The following GRM7 variants were observed in gnomAD, a reference collection of about 807,000 sequenced individuals.
GRM7 encodes the protein glutamate metabotropic receptor 7, also known as metabotropic glutamate receptor 7.
A neutral mutation model predicts 84.5 loss-of-function variants in GRM7; 35 were observed. The ratio of observed to expected loss-of-function variants is 0.41; its 90% CI spans 0.32 to 0.55. The LOEUF is 0.55. Ranked by LOEUF, GRM7 falls within the 20% of genes least tolerant of loss-of-function variation. GRM7 has a pLI of 0.19. For synonymous variants in GRM7, 487 were observed against 455.1 expected (o/e 1.07, Z -0.89); for missense variants, 1,003 against 1,194.6 (o/e 0.84, Z 2.36).
chr3:7,581,023 C>G lies in GRM7; in HGVS notation c.2451+1666C>G, dbSNP rs565014733. 2.0e-5 allele frequency among the ~76,000 whole-genome samples: 3 copies of G among 152,208 alleles called. No individual in the cohort carries two copies. In the South Asian group the frequency reaches 6.2e-4, roughly 32 times the overall value. On this transcript the variant is annotated intron_variant, in intron 8 of 9. Coordinates refer to ENST00000357716, the MANE Select transcript of GRM7 (RefSeq NM_000844.4). ...TAAAACAACTCAATACCTCATGCAA[C>G]AGGTTGAAGACATTAAAACCTTTCC...
At chr3:7,423,494 C>T (rs992833589) in intron 5 of GRM7, among the ~76,000 whole-genome samples, 3 of 152,076 alleles carry the variant, frequency 2.0e-5, no homozygotes, top group Non-Finnish European at 4.4e-5. Context: ...CCCTTATAAG[C>T]AATAGAAGTA....
At chr3:7,642,230 G>A (rs908486476) in intron 8 of GRM7, among the ~76,000 whole-genome samples, 2 of 152,008 alleles carry the variant, frequency 1.3e-5, no homozygotes, top group Non-Finnish European at 2.9e-5. Context: ...AACATACCTT[G>A]TCCTGGGACT....
At chr3:7,732,658 G>A (rs1353667971) in intron 9 of GRM7, among the ~76,000 whole-genome samples, 3 of 152,238 alleles carry the variant, frequency 2.0e-5, no homozygotes, top group Admixed American at 1.3e-4. Flanking sequence ...GGCTTTTTAT[G>A]AGAACGTTCA....
chr3:7,633,122 G>A (rs1240966067), intron 8 of GRM7, among the ~76,000 whole-genome samples: 3 of 152,252 alleles, frequency 2.0e-5, no homozygotes, highest in Non-Finnish European at 4.4e-5. Context: ...GGGCCAGTGC[G>A]AGAGTAGAGG....
intron 2 of GRM7, among the ~76,000 whole-genome samples, chr3:7,183,544 T>C (rs1695415698): frequency 6.6e-6 from 1 of 152,112 alleles, no homozygotes; most frequent in African/African-American, 2.4e-5. Context: ...GGAGACTTGC[T>C]TGAACCCGGG....
chr3:7,059,790 G>A (rs1010442157), intron 1 of GRM7, among the ~76,000 whole-genome samples: 3 of 151,732 alleles, frequency 2.0e-5, no homozygotes, highest in African/African-American at 7.3e-5. Flanking sequence ...CTTCTGCCAT[G>A]TGAGAACTCA....
At chr3:7,038,035 G>T (rs1296905132) in intron 1 of GRM7, among the ~76,000 whole-genome samples, 1 of 152,114 alleles carries the variant, frequency 6.6e-6, no homozygotes, top group Admixed American at 6.6e-5. Flanking sequence ...CATCATTTCA[G>T]TCAATAAAAA....
At chr3:6,952,323 G>A (rs1225992482) in intron 1 of GRM7, among the ~76,000 whole-genome samples, 1 of 151,974 alleles carries the variant, frequency 6.6e-6, no homozygotes, top group African/African-American at 2.4e-5. Flanking sequence ...CAGGGCCTGT[G>A]TGCGCCTATT....
intron 1 of GRM7, among the ~76,000 whole-genome samples, chr3:7,103,572 A>G (rs1457432235): frequency 1.3e-5 from 2 of 151,832 alleles, no homozygotes; most frequent in African/African-American, 4.8e-5. Flanking sequence ...TGATTGCTGT[A>G]GGCTTTTAAT....
At chr3:7,537,430 G>T (rs796854318) in intron 7 of GRM7, among the ~76,000 whole-genome samples, 5 of 152,258 alleles carry the variant, frequency 3.3e-5, no homozygotes, top group African/African-American at 1.2e-4. Flanking sequence ...TGATTGTGTG[G>T]CTTGAGATAG....
chr3:7,482,372 G>C (rs1234668481), intron 7 of GRM7, among the ~76,000 whole-genome samples: 1 of 152,046 alleles, frequency 6.6e-6, no homozygotes, highest in African/African-American at 2.4e-5. Context: ...CCTGAAGAAA[G>C]GTACCTACCT....
At chr3:7,659,194 A>C (rs1699325901) in intron 8 of GRM7, among the ~76,000 whole-genome samples, 1 of 152,236 alleles carries the variant, frequency 6.6e-6, no homozygotes, top group South Asian at 2.1e-4. Context: ...AGCAGAAATG[A>C]ATATTACTGC....
At chr3:7,119,785 G>C (rs1436727396) in intron 1 of GRM7, among the ~76,000 whole-genome samples, 3 of 152,076 alleles carry the variant, frequency 2.0e-5, no homozygotes, top group African/African-American at 7.2e-5. Flanking sequence ...AGATGAATTT[G>C]CATTAGGTTT....
chr3:7,235,610 C>T (rs776030648), intron 2 of GRM7, among the ~76,000 whole-genome samples: 1 of 152,152 alleles, frequency 6.6e-6, no homozygotes, highest in African/African-American at 2.4e-5. Context: ...GCAGCACATT[C>T]CTCATCCATC....
intron 1 of GRM7, among the ~76,000 whole-genome samples, chr3:7,140,444 C>T (rs536097906): frequency 7.2e-5 from 11 of 152,020 alleles, no homozygotes; most frequent in South Asian, 2.1e-4. Context: ...ACAGGGCTTA[C>T]GAGTAAAGGA....
At chr3:7,317,593 T>A (rs1700628857) in intron 4 of GRM7, among the ~76,000 whole-genome samples, 1 of 152,066 alleles carries the variant, frequency 6.6e-6, no homozygotes, top group South Asian at 2.1e-4. Context: ...GGTTCTGGAG[T>A]TAACCTACAT....
chr3:7,579,061 A>G lies in GRM7; in HGVS notation c.2155A>G (p.Ile719Val), dbSNP rs780110857. The G allele has an allele frequency of 1.2e-6, 2 of 1,614,028 alleles. No homozygotes were observed. Among genetic ancestry groups the G allele is most frequent in the Non-Finnish European group, 1.7e-6 (2 of 1,180,032 alleles). ...ATCAGTTCAGCTTCTAGGGGTGTTC[A>G]TTTGGTTTGGTGTTGATCCACCCAA... ...LISVQLLGVF[I>V]WFGVDPPNII... The change falls in exon 8 of 10, where the codon ATT (isoleucine) becomes GTT (valine). Residue 719 changes from isoleucine (I) to valine (V), a missense_variant. Around this residue, in one of 2 missense-constraint regions of GRM7, gnomAD observed 910 missense variants for 1,126.0 expected, o/e 0.81. Coordinates refer to ENST00000357716, the MANE Select transcript of GRM7 (RefSeq NM_000844.4).
chr3:7,355,734 G>A (rs1171757788), intron 4 of GRM7, among the ~76,000 whole-genome samples: 4 of 152,104 alleles, frequency 2.6e-5, no homozygotes, highest in African/African-American at 9.7e-5. Context: ...TCAAATGGAA[G>A]TCGTGTATCT....
At chr3:6,972,484 T>A (rs1468048414) in intron 1 of GRM7, among the ~76,000 whole-genome samples, 1 of 152,222 alleles carries the variant, frequency 6.6e-6, no homozygotes, top group African/African-American at 2.4e-5. Flanking sequence ...CGCTTTTACT[T>A]TCTTTTCATC....
Sources: gnomAD v4.1 joint callset for allele counts (sites outside exome capture counted in the v4.1 genomes callset) on GRCh38, gnomAD v4.1.1 for gene constraint, gnomAD v4.1.1 regional missense constraint, MANE v1.5 for transcripts, NCBI Gene and HGNC (gene_info 2026-07-23, HGNC 2026-07-21) for gene names.